The following TXNDC11 variants were observed in gnomAD, a reference collection of about 807,000 sequenced individuals.
TXNDC11 encodes thioredoxin domain-containing protein 11.
TXNDC11 carries 68 observed loss-of-function variants against 78.0 expected under a neutral mutation model. That is an observed-to-expected ratio of 0.87 (90% confidence interval 0.72 to 1.07). The LOEUF (loss-of-function observed/expected upper bound fraction) is 1.07. Ranked by LOEUF, TXNDC11 falls within the 50% of genes least tolerant of loss-of-function variation. The pLI, the probability that TXNDC11 is intolerant of heterozygous loss-of-function variation, is 0.00. For synonymous variants in TXNDC11, 571 were observed against 495.2 expected, an observed-to-expected ratio of 1.15 and a Z score of -2.03; for missense variants, 1,389 against 1,221.8, an observed-to-expected ratio of 1.14 and a Z score of -2.04.
At chr16:11,699,403 A>G (rs1305576127) in intron 6 of TXNDC11, among the ~76,000 whole-genome samples, 1 of 152,260 alleles carries the variant, frequency 6.6e-6, no homozygotes, top group Non-Finnish European at 1.5e-5. Flanking sequence ...GCAAAAGCAG[A>G]TGATGTCAAA....
At chr16:11,699,995 C>CT (rs1289119333) in intron 6 of TXNDC11, among the ~76,000 whole-genome samples, 1 of 152,228 alleles carries the variant, frequency 6.6e-6, no homozygotes, top group African/African-American at 2.4e-5. Flanking sequence ...AAGCCATCAA[C>CT]TTCTCACTGT....
At chr16:11,709,979 C>T in intron 5 of TXNDC11, among the ~76,000 whole-genome samples, 1 of 152,128 alleles carries the variant, frequency 6.6e-6, no homozygotes, top group South Asian at 2.1e-4. Context: ...CCCGTCTCTA[C>T]TAGAAGTACA....
At chr16:11,728,342 T>A (rs1280550357) in intron 4 of TXNDC11, among the ~76,000 whole-genome samples, 2 of 152,160 alleles carry the variant, frequency 1.3e-5, no homozygotes, top group African/African-American at 4.8e-5. Flanking sequence ...GTACTATCTA[T>A]CTCTTGCCAA....
At chr16:11,701,843 G>A (rs2051035367) in intron 5 of TXNDC11, among the ~76,000 whole-genome samples, 1 of 152,114 alleles carries the variant, frequency 6.6e-6, no homozygotes. Context: ...CAGGAAAGCA[G>A]CTGCTGTACC....
intron 6 of TXNDC11, 83 bp from the exon 7 acceptor site, chr16:11,698,408 C>T: frequency 7.9e-7 from 1 of 1,269,762 alleles, no homozygotes; most frequent in South Asian, 1.2e-5. Flanking sequence ...GTTCCAACCC[C>T]ACCACTAAGG....
At chr16:11,705,858 G>A (rs946753705) in intron 5 of TXNDC11, among the ~76,000 whole-genome samples, 2 of 152,174 alleles carry the variant, frequency 1.3e-5, no homozygotes, top group Non-Finnish European at 1.5e-5. Flanking sequence ...AGTTTATAGC[G>A]TAAAGATGAC....
At chr16:11,718,560 AC>A (rs1446313229) in intron 5 of TXNDC11, among the ~76,000 whole-genome samples, 1 of 152,130 alleles carries the variant, frequency 6.6e-6, no homozygotes, top group Non-Finnish European at 1.5e-5. Context: ...TAAGGAAAAC[AC>A]CATTTGACTT....
chr16:11,724,106 A>T (rs1335840163), intron 4 of TXNDC11, among the ~76,000 whole-genome samples: 1 of 152,148 alleles, frequency 6.6e-6, no homozygotes, highest in Non-Finnish European at 1.5e-5. Context: ...AGCCTGGTGA[A>T]ATCCCATCTC....
At position 11,687,848 on chromosome 16, in the gene TXNDC11, C is replaced by A; in HGVS notation, c.2153+9G>T. On this transcript the variant is annotated intron_variant, in intron 10 of 11. Transcript: ENST00000283033. ...ACAGCCCAAAGCGCTGCAGAAGAGG[C>A]CTGCTTACCTTGCCACAGTGAATGT... The A allele has an allele frequency of 6.3e-7, 1 of 1,595,180 alleles. No individual in the cohort carries two copies. Among genetic ancestry groups the A allele is most frequent in the African/African-American group, 1.3e-5 (1 of 74,554 alleles).
At chr16:11,723,787 A>T (rs2051791072) in intron 4 of TXNDC11, among the ~76,000 whole-genome samples, 1 of 152,142 alleles carries the variant, frequency 6.6e-6, no homozygotes. Flanking sequence ...AAGATTCCCG[A>T]GCCTTTCCCC....
At chr16:11,704,701 A>G (rs2051129507) in intron 5 of TXNDC11, among the ~76,000 whole-genome samples, 1 of 152,202 alleles carries the variant, frequency 6.6e-6, no homozygotes, top group Non-Finnish European at 1.5e-5. Flanking sequence ...CCTGAGAAAT[A>G]TTCTTCAGAA....
At chr16:11,703,673 G>C in intron 5 of TXNDC11, 1 of 702,738 alleles carries the variant, frequency 1.4e-6, no homozygotes, top group Admixed American at 2.0e-5. Flanking sequence ...AGCATACCTA[G>C]CACGTAGATC....
At chr16:11,715,912 G>C (rs961641972) in intron 5 of TXNDC11, among the ~76,000 whole-genome samples, 2 of 152,192 alleles carry the variant, frequency 1.3e-5, no homozygotes, top group Non-Finnish European at 2.9e-5. Flanking sequence ...CTTTCAACCA[G>C]ATGGCTTAGT....
At chr16:11,715,699 A>G (rs1183991242) in intron 5 of TXNDC11, among the ~76,000 whole-genome samples, 1 of 152,150 alleles carries the variant, frequency 6.6e-6, no homozygotes, top group African/African-American at 2.4e-5. Flanking sequence ...TCCTCAGTAA[A>G]TATTATCTGA....
intron 11 of TXNDC11, among the ~76,000 whole-genome samples, chr16:11,682,281 G>C (rs1193824242): frequency 6.6e-6 from 1 of 152,210 alleles, no homozygotes; most frequent in Non-Finnish European, 1.5e-5. Flanking sequence ...TTTAGGAAAT[G>C]AGAAAAATTC....
intron 5 of TXNDC11, among the ~76,000 whole-genome samples, chr16:11,703,322 G>A (rs2051085848): frequency 6.6e-6 from 1 of 152,078 alleles, no homozygotes; most frequent in African/African-American, 2.4e-5. Context: ...TTCTTAAAGA[G>A]GTATAAGTTA....
chr16:11,684,158 G>T lies in TXNDC11; in HGVS notation c.2234+7C>A. Reference sequence around the variant, plus strand: ...ACTGCCCACCAGTGACAAAAATTTGGCATTACCTGTTGCAGGGAAAAAACA... The same window carrying T: ...ACTGCCCACCAGTGACAAAAATTTGTCATTACCTGTTGCAGGGAAAAAACA... On this transcript the variant is annotated splice_region_variant and intron_variant, in intron 11 of 11. Transcript: ENST00000283033. 2 of 1,610,940 alleles carry T rather than the reference G, an allele frequency of 1.2e-6. No homozygotes were observed. The highest frequency in any genetic ancestry group is 1.7e-6 in the Non-Finnish European group (2 of 1,177,374).
rs749604847 is a variant in TXNDC11 at position 11,734,086 on chromosome 16, A to C, written c.472-7T>G. 3 of 1,580,892 alleles carry C rather than the reference A, an allele frequency of 1.9e-6. No individual in the cohort carries two copies. Among genetic ancestry groups the C allele is most frequent in the Non-Finnish European group, 2.6e-6 (3 of 1,167,882 alleles). On this transcript the variant is annotated splice_polypyrimidine_tract_variant and splice_region_variant and intron_variant, in intron 2 of 11. Coordinates refer to ENST00000283033, the MANE Select transcript of TXNDC11 (RefSeq NM_015914.7). ...TAATTGCCACAAACAACACCTGCAGAGCCAAAAAAGGTTTTCAAATGACTA... is the reference window on the plus strand; with the variant it reads ...TAATTGCCACAAACAACACCTGCAGCGCCAAAAAAGGTTTTCAAATGACTA...
At chr16:11,695,004 G>A (rs1042091719) in intron 7 of TXNDC11, among the ~76,000 whole-genome samples, 1 of 152,192 alleles carries the variant, frequency 6.6e-6, no homozygotes. Flanking sequence ...CCACGCCTTT[G>A]CTTACCAGAT....
Sources: gnomAD v4.1 joint callset for allele counts (sites outside exome capture counted in the v4.1 genomes callset) on GRCh38, gnomAD v4.1.1 for gene constraint, MANE v1.5 for transcripts, NCBI Gene and HGNC (gene_info 2026-07-23, HGNC 2026-07-21) for gene names.